Variants in FRMD4A observed in about 807,000 individuals in gnomAD.
The protein encoded by FRMD4A is FERM domain-containing protein 4A.
In FRMD4A, 29 loss-of-function variants were observed where a neutral mutation model predicts 129.1. The observed-to-expected ratio is 0.22, with a 90% CI of 0.17 to 0.31. The LOEUF is 0.31. Among genes scored for constraint, FRMD4A ranks in the 10% least tolerant of loss-of-function variants. FRMD4A has a pLI of 1.00. For missense variants in FRMD4A, 1,272 were observed against 1,375.8 expected, an observed-to-expected ratio of 0.92 and a Z score of 1.19; for synonymous variants, 634 against 571.6, an observed-to-expected ratio of 1.11 and a Z score of -1.56.
intron 2 of FRMD4A, among the ~76,000 whole-genome samples, chr10:14,233,799 A>C (rs1843711931): frequency 6.6e-6 from 1 of 152,260 alleles, no homozygotes; most frequent in Non-Finnish European, 1.5e-5. Flanking sequence ...ACAGCCATGC[A>C]CTTGATTGGC....
chr10:13,651,656 G>A (rs2081594353), intron 24 of FRMD4A: 1 of 496,088 alleles, frequency 2.0e-6, no homozygotes, highest in African/African-American at 1.9e-5. Flanking sequence ...CTGGGCAACA[G>A]AACAAGACTC....
At chr10:14,185,500 C>CG (rs1564371171) in intron 2 of FRMD4A, among the ~76,000 whole-genome samples, 4 of 152,230 alleles carry the variant, frequency 2.6e-5, no homozygotes, top group Middle Eastern at 3.4e-3. Flanking sequence ...TTTCTAACTT[C>CG]AAGTATTTTT....
chr10:13,796,201 T>C (rs1407480720), intron 5 of FRMD4A, among the ~76,000 whole-genome samples: 13 of 152,190 alleles, frequency 8.5e-5, no homozygotes, highest in Admixed American at 8.5e-4. Flanking sequence ...AAGATACTCA[T>C]TGTTTGAGAT....
At chr10:13,817,090 C>A (rs1017529542) in intron 3 of FRMD4A, among the ~76,000 whole-genome samples, 1 of 152,182 alleles carries the variant, frequency 6.6e-6, no homozygotes, top group African/African-American at 2.4e-5. Context: ...AACCTCCTTG[C>A]AAACATCCCT....
intron 8 of FRMD4A, among the ~76,000 whole-genome samples, chr10:13,749,541 A>G (rs958669628): frequency 1.3e-5 from 2 of 152,206 alleles, no homozygotes; most frequent in South Asian, 4.1e-4. Context: ...GCCAAGGGCA[A>G]TGCAATGATC....
chr10:14,061,446 C>T (rs1189818573), intron 2 of FRMD4A, among the ~76,000 whole-genome samples: 1 of 152,052 alleles, frequency 6.6e-6, no homozygotes, highest in East Asian at 1.9e-4. Context: ...TCAAAAAAGG[C>T]ACATTTAACG....
intron 3 of FRMD4A, among the ~76,000 whole-genome samples, chr10:13,849,053 T>C (rs1372470150): frequency 6.6e-6 from 1 of 152,204 alleles, no homozygotes; most frequent in East Asian, 1.9e-4. Context: ...GTTTTGCTCA[T>C]TTGGTGGAGT....
intron 4 of FRMD4A, among the ~76,000 whole-genome samples, chr10:13,806,136 T>C (rs150990843): frequency 6.6e-6 from 1 of 152,050 alleles, no homozygotes; most frequent in Non-Finnish European, 1.5e-5. Context: ...GTATTACAGG[T>C]GTGAGCCACA....
chr10:14,140,459 G>T (rs546650161), intron 2 of FRMD4A, among the ~76,000 whole-genome samples: 5 of 152,216 alleles, frequency 3.3e-5, no homozygotes, highest in African/African-American at 1.2e-4. Context: ...CTTCCAACCC[G>T]TTGAGATGGT....
chr10:13,985,587 C>T (rs941461384), intron 2 of FRMD4A, among the ~76,000 whole-genome samples: 1 of 152,152 alleles, frequency 6.6e-6, no homozygotes, highest in African/African-American at 2.4e-5. Flanking sequence ...GAAGAAGGGC[C>T]CTGAGCTGGG....
In FRMD4A at chr10:13,921,757, G is replaced by A. The variant is rs116444126; in HGVS notation, c.46-62845C>T. On this transcript the variant is annotated intron_variant, in intron 2 of 24. Transcript: ENST00000357447. ...TGGAGTCTTGGAGTTAGTGAGAGAC[G>A]GAACTGCAATTCAAACCCAGACAGT... Among the ~76,000 whole-genome samples, 899 of 152,232 alleles carry A rather than the reference G, an allele frequency of 5.9e-3. 10 individuals carry two copies. The highest frequency in any genetic ancestry group is 0.021 in the African/African-American group (854 of 41,544).
At chr10:13,750,917 C>T (rs919561816) in intron 8 of FRMD4A, among the ~76,000 whole-genome samples, 6 of 152,152 alleles carry the variant, frequency 3.9e-5, no homozygotes, top group African/African-American at 9.7e-5. Context: ...ACCAAACACT[C>T]GAGGGCCCAC....
At chr10:13,973,987 A>G (rs147277056) in intron 2 of FRMD4A, among the ~76,000 whole-genome samples, 1 of 151,186 alleles carries the variant, frequency 6.6e-6, no homozygotes, top group East Asian at 1.9e-4. Context: ...TCTTATCCAA[A>G]GCATGTAATT....
At chr10:14,100,199 T>G (rs577683587) in intron 2 of FRMD4A, among the ~76,000 whole-genome samples, 1 of 152,358 alleles carries the variant, frequency 6.6e-6, no homozygotes, top group South Asian at 2.1e-4. Flanking sequence ...CTTATGAATT[T>G]AAAATCACTT....
At chr10:13,706,831 A>T (rs2087503392) in intron 13 of FRMD4A, among the ~76,000 whole-genome samples, 1 of 151,654 alleles carries the variant, frequency 6.6e-6, no homozygotes, top group Non-Finnish European at 1.5e-5. Flanking sequence ...TGCTACTTAC[A>T]CACACGTGCG....
intron 2 of FRMD4A, among the ~76,000 whole-genome samples, chr10:14,154,286 C>A (rs993228375): frequency 6.6e-6 from 1 of 152,100 alleles, no homozygotes; most frequent in Non-Finnish European, 1.5e-5. Flanking sequence ...GAGTGAATTA[C>A]CCCCTTGTAA....
At chr10:14,316,863 A>C (rs946763966) in intron 2 of FRMD4A, among the ~76,000 whole-genome samples, 2 of 152,336 alleles carry the variant, frequency 1.3e-5, no homozygotes, top group South Asian at 4.1e-4. Context: ...ATGTGAACTA[A>C]AGAAGTGTCC....
chr10:14,079,729 C>T (rs535760714), intron 2 of FRMD4A, among the ~76,000 whole-genome samples: 18 of 152,264 alleles, frequency 1.2e-4, no homozygotes, highest in African/African-American at 3.1e-4. Context: ...GCTTGTAATC[C>T]GCTGCCTGGG....
intron 2 of FRMD4A, among the ~76,000 whole-genome samples, chr10:14,185,442 A>T (rs1174620291): frequency 6.6e-6 from 1 of 152,242 alleles, no homozygotes; most frequent in Admixed American, 6.5e-5. Context: ...ACAGATGAGG[A>T]TGTCGTGGCA....
Sources: allele counts gnomAD v4.1 joint callset (sites outside exome capture counted in the v4.1 genomes callset), GRCh38; gene constraint gnomAD v4.1.1; transcripts MANE v1.5; gene names NCBI Gene and HGNC (gene_info 2026-07-23, HGNC 2026-07-21).